The following ADGRV1 variants were observed in gnomAD, a reference collection of about 807,000 sequenced individuals.
ADGRV1 encodes G-protein coupled receptor 98.
Under a neutral mutation model 596.2 loss-of-function variants are expected in ADGRV1, and 359 were observed. The observed-to-expected ratio is 0.60, with a 90% confidence interval of 0.55 to 0.66. The LOEUF (loss-of-function observed/expected upper bound fraction) is 0.66. ADGRV1 is among the 30% of genes least tolerant of loss of function. The probability of loss-of-function intolerance (pLI) is 0.00; values close to 1 mark genes in which losing one functional copy is unlikely to be tolerated. For missense variants in ADGRV1, 7,274 were observed against 7,575.6 expected (o/e 0.96, Z 1.48); for synonymous variants, 2,681 against 2,679.2 (o/e 1.00, Z -0.02).
intron 1 of ADGRV1, among the ~76,000 whole-genome samples, chr5:90,611,695 G>T (rs1762746514): frequency 1.3e-5 from 2 of 151,818 alleles, no homozygotes. Flanking sequence ...GTCTGATGGG[G>T]CATGAAAAAA....
intron 76 of ADGRV1, among the ~76,000 whole-genome samples, chr5:90,824,373 A>G (rs548582742): frequency 1.3e-5 from 2 of 152,360 alleles, no homozygotes; most frequent in East Asian, 3.9e-4. Flanking sequence ...GATTTCTTTG[A>G]TCAGAAAGGA....
chr5:90,982,892 A>G (rs868415415), intron 84 of ADGRV1, among the ~76,000 whole-genome samples: 7 of 152,294 alleles, frequency 4.6e-5, no homozygotes, highest in African/African-American at 1.4e-4. Flanking sequence ...TGAGCTAGGC[A>G]TTTGTCCAAA....
At chr5:90,874,264 T>A (rs1768997012) in intron 83 of ADGRV1, among the ~76,000 whole-genome samples, 1 of 152,156 alleles carries the variant, frequency 6.6e-6, no homozygotes, top group African/African-American at 2.4e-5. Context: ...GCCTGGAAAG[T>A]TCTGCCCCAG....
At chr5:90,755,727 A>G (rs1220805309) in intron 55 of ADGRV1, among the ~76,000 whole-genome samples, 1 of 151,138 alleles carries the variant, frequency 6.6e-6, no homozygotes, top group Non-Finnish European at 1.5e-5. Context: ...ATGATGCACA[A>G]GAAATTTTAA....
intron 86 of ADGRV1, among the ~76,000 whole-genome samples, chr5:91,093,847 G>GT (rs1790592633): frequency 7.0e-6 from 1 of 143,106 alleles, no homozygotes; most frequent in Non-Finnish European, 1.5e-5. Context: ...GTATACATAC[G>GT]TAAGTTTTTT....
At chr5:91,083,702 C>T (rs1044894452) in intron 86 of ADGRV1, among the ~76,000 whole-genome samples, 4 of 152,158 alleles carry the variant, frequency 2.6e-5, no homozygotes, top group Non-Finnish European at 5.9e-5. Context: ...AAAGATCACT[C>T]CTCTAATAAG....
intron 78 of ADGRV1, among the ~76,000 whole-genome samples, chr5:90,847,529 C>T (rs544319833): frequency 1.3e-5 from 2 of 152,344 alleles, no homozygotes; most frequent in East Asian, 1.9e-4. Context: ...CTCCTCAGCC[C>T]TTGGGCGGTT....
intron 11 of ADGRV1, among the ~76,000 whole-genome samples, chr5:90,638,641 A>G (rs1334122029): frequency 6.6e-6 from 1 of 152,078 alleles, no homozygotes; most frequent in Non-Finnish European, 1.5e-5. Flanking sequence ...TATCCCTAAC[A>G]CAAGTCTCTT....
At chr5:90,775,503 G>T (rs1204189813) in intron 60 of ADGRV1, among the ~76,000 whole-genome samples, 1 of 152,122 alleles carries the variant, frequency 6.6e-6, no homozygotes, top group Admixed American at 6.6e-5. Context: ...TTGAGGCAGG[G>T]TCTTGCTCTG....
intron 84 of ADGRV1, among the ~76,000 whole-genome samples, chr5:90,975,065 T>G (rs1166644388): frequency 1.3e-5 from 2 of 151,970 alleles, no homozygotes; most frequent in African/African-American, 2.4e-5. Context: ...CTTCTCAAAA[T>G]AAGACATTTA....
At chr5:90,938,259 C>G (rs1259343598) in intron 83 of ADGRV1, among the ~76,000 whole-genome samples, 1 of 152,136 alleles carries the variant, frequency 6.6e-6, no homozygotes, top group Admixed American at 6.5e-5. Context: ...TCAATTAGGA[C>G]AAAAGCAACC....
chr5:91,150,249 GTC>G, intron 88 of ADGRV1, 28 bp downstream of exon 88: 1 of 1,442,190 alleles, frequency 6.9e-7, no homozygotes, highest in Non-Finnish European at 9.2e-7. Context: ...TTCATTCTCT[GTC>G]TCTCTGTCTC....
At chr5:90,858,432 T>C (rs1490536644) in intron 82 of ADGRV1, among the ~76,000 whole-genome samples, 2 of 152,192 alleles carry the variant, frequency 1.3e-5, no homozygotes, top group East Asian at 3.8e-4. Context: ...GTTATGCTAC[T>C]GCATTGAGTT....
intron 36 of ADGRV1, among the ~76,000 whole-genome samples, 199 bp from the exon 37 acceptor site, chr5:90,705,201 C>T (rs902019296): frequency 6.6e-6 from 1 of 152,022 alleles, no homozygotes; most frequent in African/African-American, 2.4e-5. Flanking sequence ...CCAATAATGA[C>T]AGTAATATGT....
chr5:90,959,756 A>G (rs1777809098), intron 83 of ADGRV1, among the ~76,000 whole-genome samples: 1 of 152,246 alleles, frequency 6.6e-6, no homozygotes, highest in Non-Finnish European at 1.5e-5. Flanking sequence ...AAAAATCAAA[A>G]TAATTATGCT....
intron 83 of ADGRV1, among the ~76,000 whole-genome samples, chr5:90,926,547 G>A (rs1221832554): frequency 2.6e-5 from 4 of 151,632 alleles, no homozygotes; most frequent in African/African-American, 9.7e-5. Context: ...AGTCTTGCTA[G>A]CGGTCTATCA....
chr5:90,649,946 G>A (rs974138093), intron 17 of ADGRV1, among the ~76,000 whole-genome samples: 13 of 152,176 alleles, frequency 8.5e-5, no homozygotes, highest in African/African-American at 3.1e-4. Flanking sequence ...ACCTCGTACT[G>A]CTGCTGCATT....
chr5:90,938,212 T>G (rs1014950941), intron 83 of ADGRV1, among the ~76,000 whole-genome samples: 1 of 151,992 alleles, frequency 6.6e-6, no homozygotes, highest in Non-Finnish European at 1.5e-5. Flanking sequence ...AAAAAAAAAA[T>G]TTTTTGGAGT....
In ADGRV1 at chr5:90,928,185, C is replaced by G. The variant is rs1320835434; in HGVS notation, c.17857-37230C>G. 4.6e-5 allele frequency among the ~76,000 whole-genome samples: 7 copies of G among 152,194 alleles called. No individual in the cohort carries two copies. The East Asian group carries it at 1.4e-3, about 29-fold the overall frequency. On this transcript the variant is annotated intron_variant, in intron 83 of 89. Coordinates refer to ENST00000405460, the MANE Select transcript of ADGRV1 (RefSeq NM_032119.4). ...TGAATCTGAACGTTGGCCTGCCTTG[C>G]TAGATTGGGGAAGTTCTCCTGGATA...
Sources: allele counts gnomAD v4.1 joint callset (sites outside exome capture counted in the v4.1 genomes callset), GRCh38; gene constraint gnomAD v4.1.1; transcripts MANE v1.5; gene names NCBI Gene and HGNC (gene_info 2026-07-23, HGNC 2026-07-21).